The following SLC36A1 variants were observed in gnomAD, a reference collection of about 807,000 sequenced individuals.
The protein encoded by SLC36A1 is solute carrier family 36 member 1, also known as proton-coupled amino acid transporter 1.
A neutral mutation model predicts 47.5 loss-of-function variants in SLC36A1; 30 were observed. That is an observed-to-expected ratio of 0.63 (90% confidence interval 0.47 to 0.86). The LOEUF is 0.86. SLC36A1 is among the 40% of genes least tolerant of loss of function. SLC36A1 has a pLI of 0.00. For missense variants in SLC36A1, 517 were observed against 606.0 expected, an observed-to-expected ratio of 0.85 and a Z score of 1.54; for synonymous variants, 255 against 249.7, an observed-to-expected ratio of 1.02 and a Z score of -0.20.
the SLC36A1 span, among the ~76,000 whole-genome samples, chr5:151,548,908 C>T: frequency 7.2e-5 from 11 of 152,268 alleles, no homozygotes; most frequent in African/African-American, 2.6e-4. Flanking sequence ...ACTGTGGAGC[C>T]TTATCAGAAA....
At chr5:151,358,980 C>CA in the SLC36A1 span, among the ~76,000 whole-genome samples, 3,651 of 46,094 alleles carry the variant, frequency 0.079, 564 homozygotes, top group African/African-American at 0.14. Flanking sequence ...GACTCCGTCT[C>CA]AAAAAAAAAA....
chr5:151,498,502 C>T, the SLC36A1 span, among the ~76,000 whole-genome samples: 201 of 152,324 alleles, frequency 1.3e-3, 1 homozygote, highest in African/African-American at 4.6e-3. Context: ...CCCAAGATCA[C>T]GTTTCCAAAG....
chr5:151,398,926 G>T, the SLC36A1 span, among the ~76,000 whole-genome samples: 4 of 151,922 alleles, frequency 2.6e-5, no homozygotes, highest in African/African-American at 9.7e-5. Flanking sequence ...TTACAGAAAT[G>T]TTGGAAGAAT....
chr5:151,501,919 A>T, the SLC36A1 span, among the ~76,000 whole-genome samples: 1 of 148,522 alleles, frequency 6.7e-6, no homozygotes, highest in Admixed American at 6.6e-5. Flanking sequence ...AGATGATAAC[A>T]TAGGAGAAAA....
chr5:151,382,257 G>A, the SLC36A1 span: 1 of 1,340,954 alleles, frequency 7.5e-7, no homozygotes, highest in Non-Finnish European at 1.1e-6. Context: ...CTACCAGCCT[G>A]GGAGCTACAT....
the SLC36A1 span, chr5:151,512,076 G>T: frequency 3.2e-6 from 4 of 1,258,926 alleles, no homozygotes; most frequent in South Asian, 2.9e-5. This position sits in a 1 kb window ranked among gnomAD's most constrained non-coding sequence, Gnocchi z 4.1. Context: ...GAACCAGGAG[G>T]CTCTGAGATC....
the SLC36A1 span, chr5:151,531,441 G>T: frequency 8.6e-7 from 1 of 1,165,624 alleles, no homozygotes. This position sits in a 1 kb window ranked among gnomAD's most constrained non-coding sequence, Gnocchi z 5.7. Context: ...GGTACTCGGA[G>T]AGAAGCAGAA....
chr5:151,417,774 T>C, the SLC36A1 span, among the ~76,000 whole-genome samples: 1 of 152,206 alleles, frequency 6.6e-6, no homozygotes, highest in African/African-American at 2.4e-5. Context: ...GTGGGGGGAA[T>C]TCAAGCTGGC....
At chr5:151,398,876 G>A in the SLC36A1 span, among the ~76,000 whole-genome samples, 4 of 151,870 alleles carry the variant, frequency 2.6e-5, no homozygotes, top group Admixed American at 2.0e-4. Flanking sequence ...TTCAAATTGA[G>A]GATAAAATTA....
the SLC36A1 span, among the ~76,000 whole-genome samples, chr5:151,348,330 G>A: frequency 3.3e-5 from 5 of 152,116 alleles, no homozygotes; most frequent in Non-Finnish European, 4.4e-5. Flanking sequence ...GGTCTTGGGC[G>A]TTTCTCTAGT....
the SLC36A1 span, among the ~76,000 whole-genome samples, chr5:151,381,504 C>T: frequency 1.6e-4 from 25 of 152,306 alleles, no homozygotes; most frequent in African/African-American, 5.8e-4. Flanking sequence ...CCAAAGCAGA[C>T]CTCCTTCTTA....
At chr5:151,404,180 C>CT in the SLC36A1 span, among the ~76,000 whole-genome samples, 10 of 152,200 alleles carry the variant, frequency 6.6e-5, no homozygotes, top group South Asian at 8.3e-4. Context: ...CTTCTTTGCC[C>CT]TTTTTTTACT....
At chr5:151,471,968 A>G (rs1393802091) in intron 7 of SLC36A1, among the ~76,000 whole-genome samples, 5 of 152,216 alleles carry the variant, frequency 3.3e-5, no homozygotes, top group Non-Finnish European at 7.3e-5. Flanking sequence ...AAAAGACAGC[A>G]GCTTTGAATC....
the SLC36A1 span, chr5:151,553,506 A>G: frequency 5.8e-6 from 5 of 855,240 alleles, no homozygotes; most frequent in Non-Finnish European, 7.5e-6. Flanking sequence ...TCATCCAGTC[A>G]TTCATTCATC....
At chr5:151,383,234 GGT>G in the SLC36A1 span, among the ~76,000 whole-genome samples, 680 of 152,252 alleles carry the variant, frequency 4.5e-3, 7 homozygotes, top group African/African-American at 0.016. Context: ...CACCTGATCT[GGT>G]AATAAATACG....
downstream of SLC36A1, among the ~76,000 whole-genome samples, chr5:151,493,640 G>T (rs557944030): frequency 6.6e-6 from 1 of 152,290 alleles, no homozygotes; most frequent in Non-Finnish European, 1.5e-5. Flanking sequence ...TATTTTCGTT[G>T]TCATTATCAT....
the SLC36A1 span, among the ~76,000 whole-genome samples, chr5:151,385,142 C>T: frequency 3.7e-3 from 569 of 152,042 alleles, 4 homozygotes; most frequent in African/African-American, 0.013. Flanking sequence ...AAATTGGCCA[C>T]CTGAGTACCA....
chr5:151,462,467 C>T (rs1031199725), intron 2 of SLC36A1, among the ~76,000 whole-genome samples: 6 of 151,876 alleles, frequency 4.0e-5, no homozygotes, highest in South Asian at 2.1e-4. Context: ...CGGATTCAAG[C>T]GATTCTTCTG....
the SLC36A1 span, chr5:151,545,133 A>G: frequency 6.2e-7 from 1 of 1,614,222 alleles, no homozygotes; most frequent in South Asian, 1.1e-5. Flanking sequence ...AAAGGGTGTC[A>G]TTCAAATGAT....
Sources: gnomAD v4.1 joint callset for allele counts (sites outside exome capture counted in the v4.1 genomes callset) on GRCh38, gnomAD v4.1.1 for gene constraint, Gnocchi (gnomAD v3.1) non-coding constraint, MANE v1.5 for transcripts, NCBI Gene and HGNC (gene_info 2026-07-23, HGNC 2026-07-21) for gene names.